The following DYNC1I1 variants were observed in gnomAD, a reference collection of about 807,000 sequenced individuals.
The protein encoded by DYNC1I1 is dynein cytoplasmic 1 intermediate chain 1, also known as cytoplasmic dynein 1 intermediate chain 1.
A neutral mutation model predicts 86.6 loss-of-function variants in DYNC1I1; 43 were observed. That is an observed-to-expected ratio of 0.50 (90% CI 0.39 to 0.64). The LOEUF (loss-of-function observed/expected upper bound fraction) is 0.64. Among genes scored for constraint, DYNC1I1 ranks in the 30% least tolerant of loss-of-function variants. The pLI is 0.00. For synonymous variants in DYNC1I1, 262 were observed against 283.7 expected (o/e 0.92, Z 0.77); for missense variants, 604 against 788.8 (o/e 0.77, Z 2.81).
Position 95,921,588 on chromosome 7 carries a change from G to A in DYNC1I1, c.490+51590G>A, listed in dbSNP as rs550013866. Reference sequence around the variant, plus strand: ...CTCCTTGTGTGATCTTGGGGTCTTTGAGGAGCCAGTGGGTTCTTCAATTGT... The same window carrying A: ...CTCCTTGTGTGATCTTGGGGTCTTTAAGGAGCCAGTGGGTTCTTCAATTGT... On this transcript the variant is annotated intron_variant, in intron 6 of 16. Transcript: ENST00000447467. Among the ~76,000 whole-genome samples, 3 of 152,254 alleles carry A rather than the reference G, an allele frequency of 2.0e-5. No homozygotes were observed. In the East Asian group the frequency reaches 5.8e-4, roughly 29 times the overall value.
intron 6 of DYNC1I1, among the ~76,000 whole-genome samples, chr7:95,956,873 A>G (rs1287566923): frequency 6.6e-6 from 1 of 152,170 alleles, no homozygotes; most frequent in Non-Finnish European, 1.5e-5. Flanking sequence ...TTAATTGGCT[A>G]TTGGAACTAC....
At chr7:95,861,159 T>C (rs535449227) in intron 5 of DYNC1I1, among the ~76,000 whole-genome samples, 7 of 152,220 alleles carry the variant, frequency 4.6e-5, no homozygotes, top group African/African-American at 1.4e-4. Flanking sequence ...TGCCACCTTA[T>C]CTACCTCTAC....
chr7:95,795,783 G>A (rs1217101306), intron 1 of DYNC1I1, among the ~76,000 whole-genome samples: 2 of 151,632 alleles, frequency 1.3e-5, no homozygotes, highest in Non-Finnish European at 2.9e-5. Context: ...AATAACTACT[G>A]GAAATTAGGC....
Position 95,940,237 on chromosome 7 carries a change from C to G in DYNC1I1, c.491-37275C>G, listed in dbSNP as rs1792168126. On this transcript the variant is annotated intron_variant, in intron 6 of 16. Coordinates refer to ENST00000447467, the MANE Select transcript of DYNC1I1 (RefSeq NM_001135556.2). ...TCTCTGGCTGCCCTTAACATTTTTT[C>G]CTTCATTTCAACTTTGGTGAATCTG... 2.0e-5 allele frequency among the ~76,000 whole-genome samples: 3 copies of G among 151,484 alleles called. No individual in the cohort carries two copies. The South Asian group carries it at 6.2e-4, about 32-fold the overall frequency.
At chr7:96,073,974 G>A (rs112623922) in intron 14 of DYNC1I1, among the ~76,000 whole-genome samples, 2,326 of 152,278 alleles carry the variant, frequency 0.015, 63 homozygotes, top group African/African-American at 0.053. Flanking sequence ...GGGAGAGAAA[G>A]AAAGATGCTA....
At chr7:96,045,302 T>C (rs1789176720) in intron 14 of DYNC1I1, among the ~76,000 whole-genome samples, 1 of 152,094 alleles carries the variant, frequency 6.6e-6, no homozygotes, top group South Asian at 2.1e-4. Context: ...AAGTCAAGGA[T>C]GTGGTCATGT....
At chr7:95,950,511 G>T (rs185168495) in intron 6 of DYNC1I1, among the ~76,000 whole-genome samples, 43 of 152,276 alleles carry the variant, frequency 2.8e-4, no homozygotes, top group African/African-American at 1.0e-3. Flanking sequence ...TTCAATATGT[G>T]CCACTAAGTC....
intron 13 of DYNC1I1, 120 bp from the exon 14 acceptor site, chr7:96,039,157 G>A (rs562237734): frequency 1.9e-6 from 2 of 1,077,110 alleles, no homozygotes; most frequent in Non-Finnish European, 2.6e-6. Flanking sequence ...TTTTGGTGGT[G>A]TGTGGTTGTT....
intron 4 of DYNC1I1, among the ~76,000 whole-genome samples, chr7:95,824,286 C>A (rs1395219277): frequency 1.3e-5 from 2 of 151,968 alleles, no homozygotes; most frequent in East Asian, 3.9e-4. Flanking sequence ...AGTTACCGTG[C>A]CAGGCCTATT....
At chr7:96,012,550 T>C (rs1794301263) in intron 10 of DYNC1I1, among the ~76,000 whole-genome samples, 1 of 152,120 alleles carries the variant, frequency 6.6e-6, no homozygotes, top group Admixed American at 6.5e-5. Context: ...GAAAGTGAAA[T>C]AGAACTAGGG....
chr7:95,806,836 G>A (rs1041684289), intron 2 of DYNC1I1, among the ~76,000 whole-genome samples: 1 of 152,120 alleles, frequency 6.6e-6, no homozygotes, highest in African/African-American at 2.4e-5. Context: ...CTCTGCAACT[G>A]TGCTGACTTG....
intron 16 of DYNC1I1, among the ~76,000 whole-genome samples, chr7:96,094,915 T>C (rs920274069): frequency 3.3e-5 from 5 of 152,174 alleles, no homozygotes; most frequent in Admixed American, 2.0e-4. Flanking sequence ...AGGAAAAGAC[T>C]TGGCAAAACA....
At chr7:95,794,480 G>A (rs1794386664) in intron 1 of DYNC1I1, among the ~76,000 whole-genome samples, 1 of 152,110 alleles carries the variant, frequency 6.6e-6, no homozygotes, top group Non-Finnish European at 1.5e-5. Flanking sequence ...TGCACCATAG[G>A]GGTCAGAAAT....
chr7:95,977,356 A>G (rs1275754129), intron 6 of DYNC1I1, among the ~76,000 whole-genome samples, 156 bp from the exon 7 acceptor site: 1 of 152,204 alleles, frequency 6.6e-6, no homozygotes, highest in Non-Finnish European at 1.5e-5. Context: ...TCATAAATTC[A>G]TGAACATTTA....
intron 5 of DYNC1I1, among the ~76,000 whole-genome samples, chr7:95,831,514 A>C (rs1052277747): frequency 6.6e-6 from 1 of 152,108 alleles, no homozygotes; most frequent in African/African-American, 2.4e-5. Flanking sequence ...TTTCCTTTAG[A>C]TATATATGTC....
At chr7:95,804,300 A>T in intron 1 of DYNC1I1, 3 of 1,176,000 alleles carry the variant, frequency 2.6e-6, no homozygotes, top group Non-Finnish European at 3.3e-6. Flanking sequence ...CTAGGGGTTT[A>T]TGACAGGCTG....
chr7:95,793,507 G>A (rs1794362109), intron 1 of DYNC1I1, among the ~76,000 whole-genome samples: 1 of 152,156 alleles, frequency 6.6e-6, no homozygotes, highest in African/African-American at 2.4e-5. Context: ...TCTAGGTGAT[G>A]TTGCTCAGCT....
chr7:95,985,128 C>A, intron 8 of DYNC1I1, 151 bp downstream of exon 8: 2 of 1,081,448 alleles, frequency 1.8e-6, no homozygotes, highest in Non-Finnish European at 2.6e-6. Context: ...TGACTATGGG[C>A]TTTGGTGATA....
chr7:95,951,025 A>G (rs1792538282), intron 6 of DYNC1I1, among the ~76,000 whole-genome samples: 1 of 152,244 alleles, frequency 6.6e-6, no homozygotes, highest in Non-Finnish European at 1.5e-5. Flanking sequence ...GTCGAATAGA[A>G]TAGACAGGTG....
Sources: allele counts gnomAD v4.1 joint callset (sites outside exome capture counted in the v4.1 genomes callset), GRCh38; gene constraint gnomAD v4.1.1; transcripts MANE v1.5; gene names NCBI Gene and HGNC (gene_info 2026-07-23, HGNC 2026-07-21).